PCDHA2: variants seen among roughly 807,000 people sequenced by gnomAD.
PCDHA2 encodes the protein protocadherin alpha 2.
In PCDHA2, 58 loss-of-function variants were observed where a neutral mutation model predicts 66.0. The ratio of observed to expected loss-of-function variants is 0.88; its 90% confidence interval spans 0.71 to 1.09. PCDHA2 has a LOEUF of 1.09. Ranked by LOEUF, PCDHA2 falls within the 50% of genes least tolerant of loss-of-function variation. The pLI, the probability that PCDHA2 is intolerant of heterozygous loss-of-function variation, is 0.00. For synonymous variants in PCDHA2, 634 were observed against 554.0 expected, an observed-to-expected ratio of 1.14 and a Z score of -2.03; for missense variants, 1,267 against 1,242.3, an observed-to-expected ratio of 1.02 and a Z score of -0.30.
intron 1 of PCDHA2, among the ~76,000 whole-genome samples, chr5:140,959,348 G>C (rs991931151): frequency 1.3e-5 from 2 of 152,110 alleles, no homozygotes; most frequent in Admixed American, 6.5e-5. Flanking sequence ...GCACTCCAGC[G>C]GGACAACTGA....
intron 1 of PCDHA2, among the ~76,000 whole-genome samples, chr5:140,819,901 A>G (rs1442413808): frequency 6.6e-6 from 1 of 152,008 alleles, no homozygotes; most frequent in Non-Finnish European, 1.5e-5. Context: ...TGCAGATTAC[A>G]ATGTACACAT....
chr5:140,988,381 T>C (rs1554250091), intron 3 of PCDHA2, among the ~76,000 whole-genome samples: 3 of 152,158 alleles, frequency 2.0e-5, no homozygotes, highest in Admixed American at 6.5e-5. Flanking sequence ...GTGAAACTCA[T>C]TGTGTTTGCC....
Position 140,795,894 on chromosome 5 carries a change from T to G in PCDHA2, c.930T>G (p.Tyr310Ter). The change falls in exon 1 of 4, where the codon TAT becomes TAG. Residue 310 changes from tyrosine to a stop codon, truncating the protein, a stop_gained. Transcript: ENST00000526136. LOFTEE classifies it high-confidence loss of function. ...GEIRTKGKLDYEEAKSYEIQV... is the reference protein window; with the variant it reads ...GEIRTKGKLD Reference sequence around the variant, plus strand: ...TCAGAACTAAGGGAAAATTAGATTATGAAGAAGCAAAGTCCTACGAGATTC... The same window carrying G: ...TCAGAACTAAGGGAAAATTAGATTAGGAAGAAGCAAAGTCCTACGAGATTC... The G allele has an allele frequency of 6.2e-7, 1 of 1,613,984 alleles. No individual in the cohort carries two copies. The highest frequency in any genetic ancestry group is 8.5e-7 in the Non-Finnish European group (1 of 1,179,978).
At chr5:140,882,864 C>G in intron 1 of PCDHA2, 2 of 1,614,200 alleles carry the variant, frequency 1.2e-6, no homozygotes, top group Non-Finnish European at 8.5e-7. Context: ...CTGAGGAAAA[C>G]ACTGGACAGA....
intron 1 of PCDHA2, chr5:140,850,234 TGGTGCTGCGGTC>T (rs1344981647): frequency 6.3e-7 from 1 of 1,593,808 alleles, no homozygotes; most frequent in East Asian, 2.2e-5. Flanking sequence ...GTGAGCGAGA[TGGTGCTGCGGTC>T]GGTGGGCGCC....
rs1464673358 is a variant in PCDHA2 at position 140,894,228 on chromosome 5, A to T, written c.2389-84721A>T. 2.6e-5 allele frequency among the ~76,000 whole-genome samples: 4 copies of T among 152,088 alleles called. No homozygotes were observed. In the South Asian group the frequency reaches 8.3e-4, roughly 31 times the overall value. ...TTATATTCTCATTTTAAAGATGTTG[A>T]ATGACAATGTAATTTTCTTTTCTTT... is the stretch of plus-strand genomic sequence containing the variant. On this transcript the variant is annotated intron_variant, in intron 1 of 3. Transcript: ENST00000526136.
At chr5:140,909,747 G>T (rs1554193902) in intron 1 of PCDHA2, among the ~76,000 whole-genome samples, 1 of 152,146 alleles carries the variant, frequency 6.6e-6, no homozygotes, top group East Asian at 1.9e-4. Context: ...CTGGGGAAAT[G>T]ACCACAGGAT....
At position 140,796,833 on chromosome 5, in the gene PCDHA2, C is replaced by G; in HGVS notation, c.1869C>G (p.Arg623=). The G allele has an allele frequency of 6.2e-7, 1 of 1,613,992 alleles. No homozygotes were observed. The highest frequency in any genetic ancestry group is 8.5e-7 in the Non-Finnish European group (1 of 1,179,994). ...CTGGCAGCGCTCGCATCCCGTTCCG[C>G]GTGGGGCTATACACGGGTGAGATCA... ...LGTGSARIPF[R]VGLYTGEIST... is the part of the protein sequence containing the mutation. The change falls in exon 1 of 4, where the codon CGC becomes CGG. Residue 623 remains arginine, a synonymous_variant. Transcript: ENST00000526136.
chr5:140,931,259 CTATT>C (rs1407255574), intron 1 of PCDHA2, among the ~76,000 whole-genome samples: 2 of 152,080 alleles, frequency 1.3e-5, no homozygotes, highest in African/African-American at 4.8e-5. Flanking sequence ...AGAAATTTCA[CTATT>C]TATTTCTTTT....
At chr5:140,921,681 C>T (rs1554200353) in intron 1 of PCDHA2, among the ~76,000 whole-genome samples, 1 of 152,136 alleles carries the variant, frequency 6.6e-6, no homozygotes, top group East Asian at 1.9e-4. Context: ...TATCATCAAA[C>T]ACTGGCCACC....
At chr5:140,801,288 C>T (rs1554121357) in intron 1 of PCDHA2, 1 of 1,613,524 alleles carries the variant, frequency 6.2e-7, no homozygotes, top group South Asian at 1.1e-5. Flanking sequence ...GAGCGGCCAG[C>T]TCCACTACTC....
chr5:140,883,414 T>C, intron 1 of PCDHA2: 1 of 1,614,170 alleles, frequency 6.2e-7, no homozygotes, highest in South Asian at 1.1e-5. Flanking sequence ...CTGGCTCAAA[T>C]GGACAGGTCA....
chr5:140,823,492 G>C (rs886912020), intron 1 of PCDHA2: 1 of 1,613,280 alleles, frequency 6.2e-7, no homozygotes, highest in African/African-American at 1.3e-5. Flanking sequence ...GGGTGGCACC[G>C]GCGGCGCAGT....
chr5:140,824,110 C>T, intron 1 of PCDHA2: 2 of 1,614,004 alleles, frequency 1.2e-6, no homozygotes, highest in Non-Finnish European at 1.7e-6. Flanking sequence ...TCCTCAGGGT[C>T]CCACCTCTAC....
chr5:140,876,623 A>G (rs2056465121), intron 1 of PCDHA2: 1 of 1,614,086 alleles, frequency 6.2e-7, no homozygotes, highest in East Asian at 2.2e-5. Context: ...GCCAATGGAC[A>G]GGTCATCTGC....
At chr5:140,929,207 G>A (rs782298445) in intron 1 of PCDHA2, 6 of 1,614,104 alleles carry the variant, frequency 3.7e-6, no homozygotes, top group East Asian at 2.2e-5. Flanking sequence ...TTGCTGTTGC[G>A]TGGGGAGTAC....
intron 1 of PCDHA2, chr5:140,829,518 C>T (rs782037599): frequency 1.9e-6 from 3 of 1,613,400 alleles, no homozygotes; most frequent in African/African-American, 2.7e-5. Flanking sequence ...CACATCTTCA[C>T]GGTGTCTGCG....
At chr5:141,004,179 G>A (rs2098156608) in intron 3 of PCDHA2, among the ~76,000 whole-genome samples, 1 of 152,206 alleles carries the variant, frequency 6.6e-6, no homozygotes, top group Non-Finnish European at 1.5e-5. Flanking sequence ...CAAGTGTCTT[G>A]AGTGCTCTTA....
In PCDHA2 at chr5:140,849,990, T is replaced by C. The variant is rs2150462015; in HGVS notation, c.2388+52638T>C. On this transcript the variant is annotated intron_variant, in intron 1 of 3. Coordinates refer to ENST00000526136, the MANE Select transcript of PCDHA2 (RefSeq NM_018905.3). ...GTCCTACTCGCTGGTGGAGCGGCGG[T>C]TGGGCGAGCGCTCGCTGTCGAGCTA... 88 of 1,596,734 alleles carry C rather than the reference T, an allele frequency of 5.5e-5. 7 individuals carry two copies. Among genetic ancestry groups the C allele is most frequent in the Non-Finnish European group, 6.9e-5 (80 of 1,167,720 alleles).
Sources: allele counts gnomAD v4.1 joint callset (sites outside exome capture counted in the v4.1 genomes callset), GRCh38; gene constraint gnomAD v4.1.1; transcripts MANE v1.5; gene names NCBI Gene and HGNC (gene_info 2026-07-23, HGNC 2026-07-21).